PRKD3: variants seen among roughly 807,000 people sequenced by gnomAD.
PRKD3 encodes the protein serine/threonine-protein kinase D3.
In PRKD3, 47 loss-of-function variants were observed where a neutral mutation model predicts 99.2. The observed-to-expected ratio is 0.47, with a 90% CI of 0.38 to 0.60. PRKD3 has a LOEUF of 0.60. Ranked by LOEUF, PRKD3 falls within the 20% of genes least tolerant of loss-of-function variation. PRKD3 has a pLI of 0.00. For synonymous variants in PRKD3, 392 were observed against 355.4 expected (o/e 1.10, Z -1.16); for missense variants, 1,019 against 1,088.4 (o/e 0.94, Z 0.90).
At chr2:37,291,038 G>T in intron 3 of PRKD3, 39 bp from the exon 4 acceptor site, 1 of 1,539,468 alleles carries the variant, frequency 6.5e-7, no homozygotes, top group Non-Finnish European at 8.8e-7. Flanking sequence ...CGTTGTATTT[G>T]TACTGCGATG....
intron 5 of PRKD3, among the ~76,000 whole-genome samples, chr2:37,287,149 G>C (rs1302332689): frequency 7.1e-6 from 1 of 140,896 alleles, no homozygotes; most frequent in Non-Finnish European, 1.5e-5. Flanking sequence ...AGAATCGCTT[G>C]AACCCAGGAG....
chr2:37,259,325 G>A lies in PRKD3; in HGVS notation c.2145+258C>T, dbSNP rs150761631. 6.6e-4 allele frequency among the ~76,000 whole-genome samples: 101 copies of A among 152,256 alleles called. 2 individuals are homozygous for A. The highest frequency in any genetic ancestry group is 5.0e-4 in the Non-Finnish European group (34 of 68,022). ...ACCAAGGTTGATACTTGCTCACTTC[G>A]TTCCCAGCCCCTGGGGAGAGGTGAA... On this transcript the variant is annotated intron_variant, in intron 16 of 18. Transcript: ENST00000234179.
intron 2 of PRKD3, among the ~76,000 whole-genome samples, chr2:37,301,136 A>G (rs1373244114): frequency 6.6e-6 from 1 of 152,202 alleles, no homozygotes; most frequent in African/African-American, 2.4e-5. Flanking sequence ...ATCATCTTTA[A>G]AACTCCAAAT....
chr2:37,304,359 T>C (rs1013893415), intron 2 of PRKD3, among the ~76,000 whole-genome samples: 2 of 152,206 alleles, frequency 1.3e-5, no homozygotes, highest in African/African-American at 4.8e-5. Flanking sequence ...ATAAGGACGA[T>C]AGCTGAGTCA....
intron 3 of PRKD3, among the ~76,000 whole-genome samples, chr2:37,291,400 C>T (rs928936337): frequency 6.6e-6 from 1 of 152,190 alleles, no homozygotes; most frequent in Non-Finnish European, 1.5e-5. Flanking sequence ...GATACTGAGT[C>T]CTAATTTAGG....
intron 12 of PRKD3, among the ~76,000 whole-genome samples, chr2:37,271,566 G>A (rs1161927838): frequency 6.6e-6 from 1 of 152,186 alleles, no homozygotes. Flanking sequence ...GAACCAGGCT[G>A]CACAGCAGGT....
intron 2 of PRKD3, 81 bp from the exon 3 acceptor site, chr2:37,293,352 T>A: frequency 7.5e-7 from 1 of 1,327,800 alleles, no homozygotes. Context: ...TCAAAGAATT[T>A]AAAACATAGT....
intron 6 of PRKD3, among the ~76,000 whole-genome samples, chr2:37,285,002 T>C (rs115554173): frequency 0.023 from 3,463 of 152,314 alleles, 58 homozygotes; most frequent in Middle Eastern, 0.054. Flanking sequence ...TACTCTGTCT[T>C]GTAAGCAAGA....
chr2:37,290,347 C>T (rs960380295), intron 4 of PRKD3, among the ~76,000 whole-genome samples: 3 of 152,128 alleles, frequency 2.0e-5, no homozygotes, highest in African/African-American at 7.2e-5. Context: ...ATTCTCCTGC[C>T]CCAGCCTCCC....
At chr2:37,302,123 C>T (rs1670956519) in intron 2 of PRKD3, among the ~76,000 whole-genome samples, 1 of 152,118 alleles carries the variant, frequency 6.6e-6, no homozygotes, top group Non-Finnish European at 1.5e-5. Flanking sequence ...GTCCATAATT[C>T]CTTACCTGGC....
chr2:37,283,595 GATATTA>G, intron 6 of PRKD3, among the ~76,000 whole-genome samples: 1 of 152,134 alleles, frequency 6.6e-6, no homozygotes, highest in East Asian at 1.9e-4. Flanking sequence ...AAATTCATGT[GATATTA>G]ATATTATCTT....
Position 37,289,547 on chromosome 2 carries a change from T to A in PRKD3, c.560-34A>T, listed in dbSNP as rs751310722. ...ATTTTACAAGGTAAAATATAAGATT[T>A]AAAAAAAAATTTACTATTTAAGTGT... is the stretch of plus-strand genomic sequence containing the variant. On this transcript the variant is annotated intron_variant, in intron 4 of 18. Transcript: ENST00000234179. The A allele has an allele frequency of 3.0e-5, 45 of 1,512,726 alleles. 1 individual carries two copies. The highest frequency in any genetic ancestry group is 2.1e-4 in the Middle Eastern group (1 of 4,736). The allele number at this position is 1,512,726 out of a possible 1,614,324, so 93.7% of individuals were successfully genotyped here. A position where few individuals can be genotyped will look rare whatever the true frequency, so the allele number is the denominator to read the frequency against.
Position 37,303,476 on chromosome 2 carries a change from G to C in PRKD3, c.289-10205C>G, listed in dbSNP as rs1289856632. 2.6e-5 allele frequency among the ~76,000 whole-genome samples: 4 copies of C among 152,060 alleles called. No individual in the cohort carries two copies. In the South Asian group the frequency reaches 6.2e-4, roughly 24 times the overall value. On this transcript the variant is annotated intron_variant, in intron 2 of 18. Coordinates refer to ENST00000234179, the MANE Select transcript of PRKD3 (RefSeq NM_005813.6). ...GACCTAAGAGAGTATTATATCTTCTGGGGCCTCTGGGGGGTTTCAGGCACC... is the reference window on the plus strand; with the variant it reads ...GACCTAAGAGAGTATTATATCTTCTCGGGCCTCTGGGGGGTTTCAGGCACC...
At chr2:37,287,630 C>T (rs942072334) in intron 5 of PRKD3, among the ~76,000 whole-genome samples, 4 of 152,108 alleles carry the variant, frequency 2.6e-5, no homozygotes, top group African/African-American at 9.7e-5. Flanking sequence ...GGATTTTGTG[C>T]TTGAGTATTT....
At position 37,279,925 on chromosome 2, in the gene PRKD3, AGGTT is replaced by A; in HGVS notation, c.989_992del (p.Glu330ValfsTer19). On this transcript the variant is annotated frameshift_variant and splice_region_variant, in exon 8 of 19. Transcript: ENST00000234179. LOFTEE classifies it high-confidence loss of function. Reference sequence around the variant, plus strand: ...TATCTGTATCTGTTCCCAGACTGGAAGGTTCTGGGAAAATTTTAAATGAATTTCA... The same window carrying A: ...TATCTGTATCTGTTCCCAGACTGGAACTGGGAAAATTTTAAATGAATTTCA... The A allele has an allele frequency of 1.3e-6, 2 of 1,585,588 alleles. No homozygotes were observed. The highest frequency in any genetic ancestry group is 1.7e-6 in the Non-Finnish European group (2 of 1,168,948).
intron 16 of PRKD3, 143 bp from the exon 17 acceptor site, chr2:37,257,072 G>A: frequency 2.1e-6 from 2 of 962,538 alleles, no homozygotes; most frequent in Non-Finnish European, 3.0e-6. Context: ...TAAGGAAATT[G>A]TAAAATATCC....
At chr2:37,292,391 G>C (rs1211754792) in intron 3 of PRKD3, among the ~76,000 whole-genome samples, 1 of 151,126 alleles carries the variant, frequency 6.6e-6, no homozygotes, top group Non-Finnish European at 1.5e-5. Flanking sequence ...TGTTGCCCAG[G>C]CTGGAGTGCA....
intron 4 of PRKD3, 23 bp downstream of exon 4, chr2:37,290,845 C>T: frequency 4.5e-6 from 7 of 1,556,286 alleles, no homozygotes; most frequent in Middle Eastern, 1.7e-4. Flanking sequence ...TTCAAATGAC[C>T]ACAAAAATTT....
chr2:37,287,702 G>A lies in PRKD3; in HGVS notation c.718-1333C>T, dbSNP rs149452319. On this transcript the variant is annotated intron_variant, in intron 5 of 18. Transcript: ENST00000234179. ...TAACAGGGCCTGGCATACAATAATC[G>A]GTGAATGTGTGTTGAATGAATGAAA... Among the ~76,000 whole-genome samples, 646 of 152,168 alleles carry A rather than the reference G, an allele frequency of 4.2e-3. 4 individuals are homozygous for A. Among genetic ancestry groups the A allele is most frequent in the Middle Eastern group, 0.01 (3 of 294 alleles).
Sources: allele counts gnomAD v4.1 joint callset (sites outside exome capture counted in the v4.1 genomes callset), GRCh38; gene constraint gnomAD v4.1.1; transcripts MANE v1.5; gene names NCBI Gene and HGNC (gene_info 2026-07-23, HGNC 2026-07-21).